The following SPAG16 variants were observed in gnomAD, a reference collection of about 807,000 sequenced individuals.
The protein encoded by SPAG16 is sperm-associated antigen 16 protein.
A neutral mutation model predicts 80.4 loss-of-function variants in SPAG16; 86 were observed. The ratio of observed to expected loss-of-function variants is 1.07; its 90% CI spans 0.90 to 1.28. The LOEUF (loss-of-function observed/expected upper bound fraction) is 1.28. SPAG16 is among the 50% of genes most tolerant of loss of function. The pLI, the probability that SPAG16 is intolerant of heterozygous loss-of-function variation, is 0.00. For missense variants in SPAG16, 870 were observed against 765.3 expected (o/e 1.14, Z -1.61); for synonymous variants, 294 against 265.9 (o/e 1.11, Z -1.03).
chr2:213,376,682 T>C (rs555360143), intron 9 of SPAG16, among the ~76,000 whole-genome samples: 15 of 152,260 alleles, frequency 9.9e-5, no homozygotes, highest in African/African-American at 3.6e-4. Flanking sequence ...CTGACTTGAT[T>C]TGAATTATAT....
rs538541974 is a variant in SPAG16 at position 213,889,454 on chromosome 2, G to T, written c.1214+26826G>T. Among the ~76,000 whole-genome samples the T allele has an allele frequency of 3.3e-4, 50 of 151,106 alleles. 1 individual carries two copies. In the South Asian group the frequency reaches 4.4e-3, roughly 13 times the overall value. On this transcript the variant is annotated intron_variant, in intron 11 of 15. Coordinates refer to ENST00000331683, the MANE Select transcript of SPAG16 (RefSeq NM_024532.5). Reference sequence around the variant, plus strand: ...AAATAGATTTTTTTTTTAAATCTATGTGTCTTTTAAGGTAGGGGAAATAGT... The same window carrying T: ...AAATAGATTTTTTTTTTAAATCTATTTGTCTTTTAAGGTAGGGGAAATAGT...
At chr2:213,951,032 T>TTC (rs975621398) in intron 12 of SPAG16, among the ~76,000 whole-genome samples, 3 of 150,996 alleles carry the variant, frequency 2.0e-5, no homozygotes, top group Non-Finnish European at 4.4e-5. Context: ...TTTTTTTTTT[T>TTC]AATAATACAT....
intron 10 of SPAG16, among the ~76,000 whole-genome samples, chr2:213,632,130 A>AT (rs2062180064): frequency 1.3e-5 from 2 of 151,962 alleles, no homozygotes; most frequent in South Asian, 4.1e-4. Context: ...ATATTTTTCT[A>AT]TTTTTTGTTG....
At chr2:213,822,823 A>G (rs74795206) in intron 10 of SPAG16, among the ~76,000 whole-genome samples, 3 of 152,058 alleles carry the variant, frequency 2.0e-5, no homozygotes, top group Non-Finnish European at 2.9e-5. Flanking sequence ...GAGAATATGC[A>G]GTGTTTCGTT....
chr2:214,160,133 T>G (rs539401950), intron 15 of SPAG16, among the ~76,000 whole-genome samples: 1 of 152,060 alleles, frequency 6.6e-6, no homozygotes, highest in East Asian at 1.9e-4. Flanking sequence ...ACATGTGTCA[T>G]CTGAGTGCTG....
At chr2:214,023,638 T>C (rs2047995975) in intron 13 of SPAG16, among the ~76,000 whole-genome samples, 1 of 151,828 alleles carries the variant, frequency 6.6e-6, no homozygotes, top group African/African-American at 2.4e-5. Flanking sequence ...GTAAAAACAT[T>C]GTATCTTAAA....
chr2:214,285,939 T>C (rs1693325523), intron 15 of SPAG16, among the ~76,000 whole-genome samples: 1 of 152,234 alleles, frequency 6.6e-6, no homozygotes, highest in African/African-American at 2.4e-5. Context: ...TGTCATCGTC[T>C]AGACCAATGT....
Position 214,352,706 on chromosome 2 carries a change from C to T in SPAG16, c.1721-57434C>T, listed in dbSNP as rs575258966. Reference sequence around the variant, plus strand: ...ACATTTAAAGTATACATAAAAAATTCTGGTAAATCTATGTGCTTTGGTCAT... The same window carrying T: ...ACATTTAAAGTATACATAAAAAATTTTGGTAAATCTATGTGCTTTGGTCAT... On this transcript the variant is annotated intron_variant, in intron 15 of 15. Transcript: ENST00000331683. Among the ~76,000 whole-genome samples, 5 of 152,092 alleles carry T rather than the reference C, an allele frequency of 3.3e-5. No homozygotes were observed. The South Asian group carries it at 1.0e-3, about 32-fold the overall frequency.
intron 15 of SPAG16, among the ~76,000 whole-genome samples, chr2:214,290,254 C>G (rs1485331107): frequency 1.3e-5 from 2 of 152,048 alleles, no homozygotes; most frequent in African/African-American, 4.8e-5. Flanking sequence ...TTGTTGGTAT[C>G]AATTGCAATG....
intron 10 of SPAG16, among the ~76,000 whole-genome samples, chr2:213,615,569 C>T (rs550500431): frequency 2.0e-4 from 30 of 151,844 alleles, no homozygotes; most frequent in Non-Finnish European, 4.0e-4. Flanking sequence ...CCAGCATAGG[C>T]GACAAAGCAA....
At chr2:213,546,545 G>GTA (rs919160539) in intron 10 of SPAG16, among the ~76,000 whole-genome samples, 71 of 152,034 alleles carry the variant, frequency 4.7e-4, no homozygotes, top group African/African-American at 1.7e-3. Flanking sequence ...CTAAATCTCG[G>GTA]TAACTGTGCT....
At position 213,427,855 on chromosome 2, in the gene SPAG16, A is replaced by G. The variant is rs192051422; in HGVS notation, c.942+52736A>G. ...AAGATTGTTTTTCTGGAAAGTGGCT[A>G]TCAGTAAAATATTCAGTGTAGATTT... On this transcript the variant is annotated intron_variant, in intron 9 of 15. Coordinates refer to ENST00000331683, the MANE Select transcript of SPAG16 (RefSeq NM_024532.5). Among the ~76,000 whole-genome samples, 87 of 152,330 alleles carry G rather than the reference A, an allele frequency of 5.7e-4. 1 individual carries two copies. The highest frequency in any genetic ancestry group is 1.8e-3 in the African/African-American group (76 of 41,588).
intron 12 of SPAG16, among the ~76,000 whole-genome samples, chr2:214,005,021 T>C (rs1469895591): frequency 1.3e-5 from 2 of 152,210 alleles, no homozygotes; most frequent in East Asian, 3.8e-4. Context: ...AATGTCTGCT[T>C]AAATTATAAT....
chr2:214,215,209 C>G (rs773149093), intron 15 of SPAG16, among the ~76,000 whole-genome samples: 1 of 152,096 alleles, frequency 6.6e-6, no homozygotes, highest in Non-Finnish European at 1.5e-5. Context: ...AATTCCCATT[C>G]TTTGCCTCAG....
chr2:213,896,189 GA>G (rs1444521091), intron 11 of SPAG16, among the ~76,000 whole-genome samples: 3 of 151,780 alleles, frequency 2.0e-5, no homozygotes, highest in Admixed American at 6.6e-5. Flanking sequence ...AAAGGTATAT[GA>G]AAAAAATACT....
chr2:213,833,604 C>G lies in SPAG16; in HGVS notation c.1071-28881C>G, dbSNP rs113870216. 4.8e-3 allele frequency among the ~76,000 whole-genome samples: 221 copies of G among 45,656 alleles called. 11 individuals are homozygous for G. Among genetic ancestry groups the G allele is most frequent in the African/African-American group, 0.023 (214 of 9,460 alleles). The allele number at this position is 45,656 out of a possible 152,430, so 30.0% of individuals were successfully genotyped here. A position where few individuals can be genotyped will look rare whatever the true frequency, so the allele number is the denominator to read the frequency against. ...TATATATATTATATATATATAAAATCTCCTTGACCTAACTTGTTCAGATGT... is the reference window on the plus strand; with the variant it reads ...TATATATATTATATATATATAAAATGTCCTTGACCTAACTTGTTCAGATGT... On this transcript the variant is annotated intron_variant, in intron 10 of 15. Coordinates refer to ENST00000331683, the MANE Select transcript of SPAG16 (RefSeq NM_024532.5).
chr2:213,486,571 C>T (rs1028725189), intron 9 of SPAG16, among the ~76,000 whole-genome samples: 2 of 152,010 alleles, frequency 1.3e-5, no homozygotes, highest in African/African-American at 4.8e-5. Flanking sequence ...TGAAACAGGC[C>T]AAGCACAGGT....
chr2:213,607,298 A>G (rs1225866652), intron 10 of SPAG16, among the ~76,000 whole-genome samples: 1 of 152,186 alleles, frequency 6.6e-6, no homozygotes, highest in Non-Finnish European at 1.5e-5. Flanking sequence ...GCAAATCAAT[A>G]ATTTTTAGAA....
At chr2:213,892,807 GA>G (rs2076835912) in intron 11 of SPAG16, among the ~76,000 whole-genome samples, 1 of 152,024 alleles carries the variant, frequency 6.6e-6, no homozygotes, top group South Asian at 2.1e-4. Flanking sequence ...AGATATAGAA[GA>G]GTACCTCAGA....
Sources: allele counts gnomAD v4.1 joint callset (sites outside exome capture counted in the v4.1 genomes callset), GRCh38; gene constraint gnomAD v4.1.1; transcripts MANE v1.5; gene names NCBI Gene and HGNC (gene_info 2026-07-23, HGNC 2026-07-21).